Variants in PRKCE observed in about 807,000 individuals in gnomAD.
PRKCE encodes protein kinase C epsilon.
PRKCE carries 16 observed loss-of-function variants against 85.4 expected under a neutral mutation model. That is an observed-to-expected ratio of 0.19 (90% CI 0.13 to 0.28). The LOEUF (loss-of-function observed/expected upper bound fraction) is 0.28. Ranked by LOEUF, PRKCE falls within the 10% of genes least tolerant of loss-of-function variation. The pLI, the probability that PRKCE is intolerant of heterozygous loss-of-function variation, is 1.00. For missense variants in PRKCE, 573 were observed against 975.2 expected (o/e 0.59, Z 5.49); for synonymous variants, 388 against 371.5 (o/e 1.04, Z -0.51).
intron 1 of PRKCE, among the ~76,000 whole-genome samples, chr2:45,810,112 C>G (rs1688550798): frequency 6.6e-6 from 1 of 151,946 alleles, no homozygotes; most frequent in South Asian, 2.1e-4. Context: ...GCGATCTCAG[C>G]TCACTGCAAC....
rs145235196 is a variant in PRKCE at position 45,967,614 on chromosome 2, G to T, written c.413-8815G>T. Among the ~76,000 whole-genome samples, 150 of 152,290 alleles carry T rather than the reference G, an allele frequency of 9.8e-4. 3 individuals carry two copies. In the East Asian group the frequency reaches 0.022, roughly 23 times the overall value. Reference sequence around the variant, plus strand: ...CAAGTCTCAGGAATCAAATAATATTGTAATGTAGTAGTTTAGAAAATCAGA... The same window carrying T: ...CAAGTCTCAGGAATCAAATAATATTTTAATGTAGTAGTTTAGAAAATCAGA... On this transcript the variant is annotated intron_variant, in intron 2 of 14. Coordinates refer to ENST00000306156, the MANE Select transcript of PRKCE (RefSeq NM_005400.3).
At chr2:45,779,603 TAAAAAAAA>T (rs747138886) in intron 1 of PRKCE, among the ~76,000 whole-genome samples, 1 of 114,362 alleles carries the variant, frequency 8.7e-6, no homozygotes, top group South Asian at 2.7e-4. Context: ...TATATTAAAG[TAAAAAAAA>T]AAAAAAAAGA....
intron 1 of PRKCE, among the ~76,000 whole-genome samples, chr2:45,824,304 G>T (rs1689768395): frequency 6.6e-6 from 1 of 152,192 alleles, no homozygotes; most frequent in Non-Finnish European, 1.5e-5. Context: ...GAAAGGAAAG[G>T]ATGAAGTGAT....
At chr2:46,071,936 G>C (rs1032548844) in intron 10 of PRKCE, among the ~76,000 whole-genome samples, 1 of 152,280 alleles carries the variant, frequency 6.6e-6, no homozygotes, top group African/African-American at 2.4e-5. Context: ...GGACTACAGG[G>C]TGTAGACTGG....
intron 2 of PRKCE, among the ~76,000 whole-genome samples, chr2:45,897,013 G>T (rs956113181): frequency 2.6e-5 from 4 of 152,262 alleles, no homozygotes; most frequent in African/African-American, 9.6e-5. Context: ...ATGAGTTTGA[G>T]GCTGCAGTGA....
At chr2:45,803,685 G>A (rs951132106) in intron 1 of PRKCE, among the ~76,000 whole-genome samples, 11 of 152,260 alleles carry the variant, frequency 7.2e-5, no homozygotes, top group African/African-American at 1.4e-4. Flanking sequence ...CATCCTCAGC[G>A]GTAATGAGTA....
At chr2:45,901,236 G>A (rs555396047) in intron 2 of PRKCE, among the ~76,000 whole-genome samples, 39 of 152,310 alleles carry the variant, frequency 2.6e-4, no homozygotes, top group African/African-American at 9.1e-4. Flanking sequence ...TTACAAAACC[G>A]TCTGTGTTGA....
chr2:45,715,578 C>A (rs141531738), intron 1 of PRKCE, among the ~76,000 whole-genome samples: 1 of 152,328 alleles, frequency 6.6e-6, no homozygotes, highest in East Asian at 1.9e-4. Flanking sequence ...CTCCCAGAGA[C>A]TTGGCTTCTT....
intron 11 of PRKCE, among the ~76,000 whole-genome samples, chr2:46,124,373 C>T (rs1017724186): frequency 6.6e-6 from 1 of 152,066 alleles, no homozygotes; most frequent in African/African-American, 2.4e-5. Flanking sequence ...GACACTATTC[C>T]TATTTCTAAT....
In PRKCE at chr2:46,001,498, G is replaced by T. The variant is rs1280593568; in HGVS notation, c.918G>T (p.Leu306=). The change falls in exon 7 of 15, where the codon CTG becomes CTT. Residue 306 remains leucine, a synonymous_variant. Transcript: ENST00000306156. The surrounding 1 kb of genome is among the most constrained non-coding windows in gnomAD (Gnocchi z 4.4). The part of the protein sequence containing the change: ...ARGIAKVLAD[L]GVTPDKITNS... ...GAATCGCCAAAGTACTGGCCGACCT[G>T]GGCGTTACCCCAGACAAAATCACCA... 2.5e-6 allele frequency: 4 copies of T among 1,599,326 alleles called. No individual in the cohort carries two copies. In the Admixed American group the frequency reaches 6.7e-5, roughly 27 times the overall value.
chr2:45,777,311 C>T (rs763807192), intron 1 of PRKCE, among the ~76,000 whole-genome samples: 3 of 151,968 alleles, frequency 2.0e-5, no homozygotes, highest in Non-Finnish European at 4.4e-5. Context: ...CCTTGGTCCC[C>T]CTTCCTTTAT....
intron 1 of PRKCE, among the ~76,000 whole-genome samples, chr2:45,840,711 A>T (rs1013454193): frequency 2.0e-5 from 3 of 152,144 alleles, no homozygotes; most frequent in African/African-American, 7.2e-5. Context: ...GGAAACCTTA[A>T]GCTCTCTCAA....
At chr2:45,764,898 A>G (rs902273200) in intron 1 of PRKCE, among the ~76,000 whole-genome samples, 6 of 152,206 alleles carry the variant, frequency 3.9e-5, no homozygotes, top group Admixed American at 6.5e-5. Flanking sequence ...GTCTCACACA[A>G]TGGTCCTACT....
At chr2:45,873,284 A>T (rs1348658710) in intron 2 of PRKCE, among the ~76,000 whole-genome samples, 1 of 152,180 alleles carries the variant, frequency 6.6e-6, no homozygotes, top group African/African-American at 2.4e-5. Flanking sequence ...GCATTTAGAA[A>T]TTCTCATGAC....
At chr2:46,120,940 CG>C (rs1673258389) in intron 11 of PRKCE, among the ~76,000 whole-genome samples, 1 of 152,124 alleles carries the variant, frequency 6.6e-6, no homozygotes, top group Admixed American at 6.5e-5. Flanking sequence ...ACAGCTGTTA[CG>C]TTTGTTCACC....
chr2:46,165,540 A>C (rs1387049968), intron 14 of PRKCE, among the ~76,000 whole-genome samples: 1 of 152,232 alleles, frequency 6.6e-6, no homozygotes, highest in Non-Finnish European at 1.5e-5. Context: ...TCACTGGTCT[A>C]TCCCATTGGG....
intron 1 of PRKCE, among the ~76,000 whole-genome samples, chr2:45,739,239 C>T (rs1682346233): frequency 6.6e-6 from 1 of 152,242 alleles, no homozygotes; most frequent in South Asian, 2.1e-4. Context: ...TGGTCCACTG[C>T]TGTGGCTGGG....
chr2:45,910,318 G>A (rs962632681), intron 2 of PRKCE, among the ~76,000 whole-genome samples: 2 of 152,146 alleles, frequency 1.3e-5, no homozygotes, highest in Non-Finnish European at 2.9e-5. Context: ...GGAGTAACTG[G>A]GAAATGGAAG....
At chr2:45,963,308 T>TTTTA (rs1344503786) in intron 2 of PRKCE, among the ~76,000 whole-genome samples, 3 of 151,964 alleles carry the variant, frequency 2.0e-5, no homozygotes, top group African/African-American at 7.2e-5. Context: ...CTTTACTTGT[T>TTTTA]TTTATTTATT....
Sources: gnomAD v4.1 joint callset for allele counts (sites outside exome capture counted in the v4.1 genomes callset) on GRCh38, gnomAD v4.1.1 for gene constraint, Gnocchi (gnomAD v3.1) non-coding constraint, MANE v1.5 for transcripts, NCBI Gene and HGNC (gene_info 2026-07-23, HGNC 2026-07-21) for gene names.